AMPH: variants seen among roughly 807,000 people sequenced by gnomAD.
AMPH encodes amphiphysin.
In AMPH, 49 loss-of-function variants were observed where a neutral mutation model predicts 99.1. The ratio of observed to expected loss-of-function variants is 0.49; its 90% CI spans 0.39 to 0.63. The LOEUF is 0.63. Among genes scored for constraint, AMPH ranks in the 20% least tolerant of loss-of-function variants. AMPH has a pLI of 0.00. For synonymous variants in AMPH, 314 were observed against 317.3 expected (o/e 0.99, Z 0.11); for missense variants, 759 against 863.4 (o/e 0.88, Z 1.52).
At chr7:38,414,352 G>A (rs1396259857) in intron 17 of AMPH, among the ~76,000 whole-genome samples, 2 of 152,220 alleles carry the variant, frequency 1.3e-5, no homozygotes, top group East Asian at 1.9e-4. Flanking sequence ...CTTTACCACA[G>A]TCTTCCTTAC....
Position 38,384,481 on chromosome 7 carries a change from A to G in AMPH, c.*337T>C, listed in dbSNP as rs1358700159. 2 of 214,458 alleles carry G rather than the reference A, an allele frequency of 9.3e-6. No homozygotes were observed. Among genetic ancestry groups the G allele is most frequent in the Non-Finnish European group, 1.9e-5 (2 of 103,060 alleles). 13.3% of individuals were successfully genotyped at this position (214,458 alleles called of 1,614,324 possible). ...ACATCTTCTGCAGGGCAGCCACTCA[A>G]TACGATACACCTGATGCAGAGAAAT... On this transcript the variant is annotated 3_prime_UTR_variant, in exon 21 of 21. Coordinates refer to ENST00000356264, the MANE Select transcript of AMPH (RefSeq NM_001635.4).
chr7:38,600,588 A>T (rs1325576473), intron 1 of AMPH, among the ~76,000 whole-genome samples: 1 of 152,236 alleles, frequency 6.6e-6, no homozygotes, highest in African/African-American at 2.4e-5. Flanking sequence ...ATGTTGAACC[A>T]TAGGAAAATG....
chr7:38,393,733 T>C (rs1784584448), intron 18 of AMPH, among the ~76,000 whole-genome samples: 1 of 152,166 alleles, frequency 6.6e-6, no homozygotes, highest in South Asian at 2.1e-4. Context: ...TTCATTCCTT[T>C]CTCCACGTCA....
At chr7:38,534,838 T>C (rs1790538345) in intron 2 of AMPH, 93 bp downstream of exon 2, 3 of 1,082,300 alleles carry the variant, frequency 2.8e-6, no homozygotes, top group Admixed American at 4.2e-5. Flanking sequence ...CTCCATCTAG[T>C]CTTTTTTTAA....
chr7:38,604,921 T>C (rs1793379517), intron 1 of AMPH, among the ~76,000 whole-genome samples: 1 of 152,160 alleles, frequency 6.6e-6, no homozygotes, highest in South Asian at 2.1e-4. Flanking sequence ...TTAGTCAAAG[T>C]AGACTATCAT....
intron 11 of AMPH, among the ~76,000 whole-genome samples, chr7:38,447,602 G>C (rs1443971143): frequency 2.0e-5 from 3 of 151,996 alleles, no homozygotes; most frequent in Non-Finnish European, 4.4e-5. Context: ...CTAGCCTCCA[G>C]AGCACACACA....
At chr7:38,393,095 C>T (rs745649952) in intron 18 of AMPH, among the ~76,000 whole-genome samples, 16 of 152,134 alleles carry the variant, frequency 1.1e-4, no homozygotes, top group Non-Finnish European at 2.1e-4. Context: ...TACCGTCTTT[C>T]CATGAGTAGA....
chr7:38,520,197 C>T (rs544910071), intron 2 of AMPH, among the ~76,000 whole-genome samples: 7 of 152,212 alleles, frequency 4.6e-5, no homozygotes, highest in Admixed American at 3.3e-4. Context: ...TTCTATTAGA[C>T]ATCAACTTAT....
intron 17 of AMPH, among the ~76,000 whole-genome samples, chr7:38,415,088 T>C (rs1785331059): frequency 6.6e-6 from 1 of 152,174 alleles, no homozygotes; most frequent in Non-Finnish European, 1.5e-5. Flanking sequence ...AAATTTGATG[T>C]TGTTGGGAAA....
Position 38,559,687 on chromosome 7 carries a change from C to G in AMPH, c.70-24676G>C, listed in dbSNP as rs187939253. On this transcript the variant is annotated intron_variant, in intron 1 of 20. Coordinates refer to ENST00000356264, the MANE Select transcript of AMPH (RefSeq NM_001635.4). Reference sequence around the variant, plus strand: ...CCTATAATATAGGTACATTACTAGTCCCATTTTACAGATGAGAAAACTGAG... The same window carrying G: ...CCTATAATATAGGTACATTACTAGTGCCATTTTACAGATGAGAAAACTGAG... Among the ~76,000 whole-genome samples the G allele has an allele frequency of 1.4e-3, 213 of 152,278 alleles. 2 individuals carry two copies. The highest frequency in any genetic ancestry group is 5.1e-3 in the African/African-American group (212 of 41,564).
chr7:38,456,789 C>G (rs1787251201), intron 11 of AMPH, among the ~76,000 whole-genome samples: 1 of 152,204 alleles, frequency 6.6e-6, no homozygotes, highest in East Asian at 1.9e-4. Flanking sequence ...GCCCAAGAAT[C>G]AGCCTGTCTG....
intron 1 of AMPH, among the ~76,000 whole-genome samples, chr7:38,583,327 C>T (rs1171415020): frequency 6.6e-6 from 1 of 152,144 alleles, no homozygotes; most frequent in East Asian, 1.9e-4. Context: ...AAGTTCGTGA[C>T]AATCAAATAA....
intron 2 of AMPH, among the ~76,000 whole-genome samples, chr7:38,532,957 A>G (rs1790468051): frequency 6.6e-6 from 1 of 152,228 alleles, no homozygotes; most frequent in African/African-American, 2.4e-5. Flanking sequence ...CGAAGGGTAC[A>G]GTGTGAATCC....
At chr7:38,483,236 GA>G (rs753981258) in intron 5 of AMPH, among the ~76,000 whole-genome samples, 2 of 152,080 alleles carry the variant, frequency 1.3e-5, no homozygotes, top group Non-Finnish European at 2.9e-5. Flanking sequence ...GGTCTACAGA[GA>G]ATAAACAGAG....
At chr7:38,585,489 C>G (rs577798128) in intron 1 of AMPH, among the ~76,000 whole-genome samples, 1 of 152,206 alleles carries the variant, frequency 6.6e-6, no homozygotes, top group Non-Finnish European at 1.5e-5. Flanking sequence ...GACAGCCGCG[C>G]TCAAGTCATC....
At position 38,607,706 on chromosome 7, in the gene AMPH, G is replaced by T. The variant is rs548623643; in HGVS notation, c.69+23577C>A. ...TGCACAATAAAATGAAAGTGCAGGG[G>T]GTCCAGATGCTATAAGGATGAAGAC... On this transcript the variant is annotated intron_variant, in intron 1 of 20. Transcript: ENST00000356264. Among the ~76,000 whole-genome samples, 12 of 152,274 alleles carry T rather than the reference G, an allele frequency of 7.9e-5. No individual in the cohort carries two copies. In the South Asian group the frequency reaches 1.0e-3, roughly 13 times the overall value.
chr7:38,589,712 A>G (rs981738692), intron 1 of AMPH, among the ~76,000 whole-genome samples: 2 of 152,236 alleles, frequency 1.3e-5, no homozygotes, highest in Admixed American at 6.5e-5. Context: ...AGTATTTCAT[A>G]TTACGTAGCT....
intron 5 of AMPH, among the ~76,000 whole-genome samples, chr7:38,479,384 A>G (rs1788206602): frequency 1.3e-5 from 2 of 152,076 alleles, no homozygotes; most frequent in South Asian, 4.1e-4. Context: ...TTTTTCAGAC[A>G]AACAAAGGCT....
intron 10 of AMPH, among the ~76,000 whole-genome samples, chr7:38,461,641 T>C (rs1394269332): frequency 2.0e-5 from 3 of 151,982 alleles, no homozygotes; most frequent in Admixed American, 6.6e-5. Context: ...GCTATAAGAG[T>C]CCATTCATCT....
Sources: gnomAD v4.1 joint callset for allele counts (sites outside exome capture counted in the v4.1 genomes callset) on GRCh38, gnomAD v4.1.1 for gene constraint, MANE v1.5 for transcripts, NCBI Gene and HGNC (gene_info 2026-07-23, HGNC 2026-07-21) for gene names.